The following NSG2 variants were observed in gnomAD, a reference collection of about 807,000 sequenced individuals.
NSG2 encodes neuronal vesicle trafficking associated 2.
A neutral mutation model predicts 16.9 loss-of-function variants in NSG2; 4 were observed. The ratio of observed to expected loss-of-function variants is 0.24; its 90% confidence interval spans 0.12 to 0.54. The LOEUF (loss-of-function observed/expected upper bound fraction) is 0.54. Ranked by LOEUF, NSG2 falls within the 20% of genes least tolerant of loss-of-function variation. The pLI is 0.95. For missense variants in NSG2, 179 were observed against 221.1 expected (o/e 0.81, Z 1.21); for synonymous variants, 98 against 88.7 (o/e 1.11, Z -0.59).
chr5:174,096,753 G>A (rs576621571), intron 3 of NSG2, among the ~76,000 whole-genome samples: 48 of 152,272 alleles, frequency 3.2e-4, no homozygotes, highest in African/African-American at 7.9e-4. Context: ...CTGTGTCAGA[G>A]GCAGAAGCTG....
At chr5:174,051,207 G>A (rs1759883665) in intron 2 of NSG2, among the ~76,000 whole-genome samples, 3 of 152,096 alleles carry the variant, frequency 2.0e-5, no homozygotes, top group Admixed American at 6.6e-5. Context: ...GCCAGGAATG[G>A]TGCTAAATAT....
chr5:174,080,316 A>G (rs1304139385), intron 3 of NSG2, among the ~76,000 whole-genome samples: 1 of 148,754 alleles, frequency 6.7e-6, no homozygotes, highest in African/African-American at 2.4e-5. Flanking sequence ...TTATATATAT[A>G]TAAAATGTTA....
chr5:174,070,013 G>A lies in NSG2; in HGVS notation c.213+5698G>A, dbSNP rs372959668. Among the ~76,000 whole-genome samples the A allele has an allele frequency of 3.3e-5, 5 of 151,880 alleles. No homozygotes were observed. In the South Asian group the frequency reaches 6.3e-4, roughly 19 times the overall value. The stretch of plus-strand genomic sequence containing the variant: ...CCACCTTAGCCTCCCAAAGAGCTGG[G>A]ACTACAGGCACAAGCCACCATGCTC... On this transcript the variant is annotated intron_variant, in intron 3 of 4. Transcript: ENST00000303177.
chr5:174,064,345 G>A (rs1379153630), intron 3 of NSG2, 30 bp downstream of exon 3: 40 of 1,545,456 alleles, frequency 2.6e-5, no homozygotes, highest in Non-Finnish European at 3.2e-5. Flanking sequence ...AATAGAAAGA[G>A]TAAAGGAGAG....
At chr5:174,090,169 G>A (rs1760699687) in intron 3 of NSG2, among the ~76,000 whole-genome samples, 2 of 152,160 alleles carry the variant, frequency 1.3e-5, no homozygotes, top group Admixed American at 6.5e-5. Flanking sequence ...ACAGCACTCA[G>A]CATATGGCTG....
chr5:174,062,516 C>T (rs1244240565), intron 2 of NSG2: 1 of 152,248 alleles, frequency 6.6e-6, no homozygotes, highest in Non-Finnish European at 1.5e-5. Flanking sequence ...TGTAAGCTCT[C>T]ATCCATGTTT....
intron 3 of NSG2, among the ~76,000 whole-genome samples, chr5:174,076,182 G>A (rs955157036): frequency 6.6e-6 from 1 of 152,222 alleles, no homozygotes; most frequent in African/African-American, 2.4e-5. Flanking sequence ...GAGCCATTGT[G>A]ATGATGGTGC....
At chr5:174,083,909 G>A (rs1760543406) in intron 3 of NSG2, among the ~76,000 whole-genome samples, 1 of 152,206 alleles carries the variant, frequency 6.6e-6, no homozygotes, top group African/African-American at 2.4e-5. Context: ...TGAGAGAGAA[G>A]TGACTTGTCC....
At chr5:174,090,932 G>C (rs1354732559) in intron 3 of NSG2, among the ~76,000 whole-genome samples, 1 of 152,142 alleles carries the variant, frequency 6.6e-6, no homozygotes, top group African/African-American at 2.4e-5. Context: ...ACCCCCACTG[G>C]AATGCCTAGC....
intron 3 of NSG2, among the ~76,000 whole-genome samples, chr5:174,064,695 AG>A (rs1287966402): frequency 2.0e-5 from 3 of 151,982 alleles, no homozygotes; most frequent in African/African-American, 7.2e-5. Flanking sequence ...AGAAAAACAA[AG>A]GTGGGGGGAA....
intron 3 of NSG2, among the ~76,000 whole-genome samples, chr5:174,065,220 C>T (rs1022670559): frequency 2.0e-4 from 31 of 151,414 alleles, no homozygotes; most frequent in Admixed American, 2.6e-4. Flanking sequence ...CCCATCTACT[C>T]GGGAGGCTGA....
chr5:174,065,443 A>G (rs1436517825), intron 3 of NSG2, among the ~76,000 whole-genome samples: 1 of 152,188 alleles, frequency 6.6e-6, no homozygotes, highest in East Asian at 1.9e-4. Flanking sequence ...TGAAGGCTGT[A>G]TGAAGGCATT....
intron 2 of NSG2, among the ~76,000 whole-genome samples, chr5:174,063,095 T>C (rs1221968603): frequency 6.6e-6 from 1 of 152,216 alleles, no homozygotes; most frequent in Non-Finnish European, 1.5e-5. Context: ...AGTTCTGGCA[T>C]ATAATAAGTG....
chr5:174,066,192 T>C, intron 3 of NSG2: 1 of 456,276 alleles, frequency 2.2e-6, no homozygotes, highest in Non-Finnish European at 4.4e-6. Context: ...TACTTTTTTA[T>C]TGTACTTTCA....
chr5:174,100,719 T>C (rs1760885498), intron 3 of NSG2, among the ~76,000 whole-genome samples: 1 of 152,190 alleles, frequency 6.6e-6, no homozygotes. Context: ...GCAGTTCCTA[T>C]TTGGGATTTC....
chr5:174,105,800 T>C (rs1581245908), intron 4 of NSG2, among the ~76,000 whole-genome samples: 1 of 152,272 alleles, frequency 6.6e-6, no homozygotes, highest in Non-Finnish European at 1.5e-5. Flanking sequence ...CTTGGGAGGC[T>C]GAGGCAGGAG....
chr5:174,098,303 G>T lies in NSG2; in HGVS notation c.214-5925G>T, dbSNP rs557199318. Among the ~76,000 whole-genome samples the T allele has an allele frequency of 2.0e-5, 3 of 152,294 alleles. 1 individual carries two copies. Among genetic ancestry groups the T allele is most frequent in the Admixed American group, 1.3e-4 (2 of 15,312 alleles). ...GGGTGGTTGAGGGGGTGCAGGCTGA[G>T]CAAAGATGTTACCCCGACAGCACCA... On this transcript the variant is annotated intron_variant, in intron 3 of 4. Transcript: ENST00000303177.
At chr5:174,062,255 G>A (rs2113432093) in intron 2 of NSG2, among the ~76,000 whole-genome samples, 2 of 152,180 alleles carry the variant, frequency 1.3e-5, no homozygotes, top group Middle Eastern at 3.4e-3. Context: ...GTAAGTTCTG[G>A]AGCCAGGATT....
chr5:174,106,375 G>A (rs184954562), intron 4 of NSG2, among the ~76,000 whole-genome samples: 6 of 151,956 alleles, frequency 3.9e-5, no homozygotes, highest in African/African-American at 1.2e-4. Flanking sequence ...TATTTCAACC[G>A]GTTGTAGATG....
Sources: allele counts gnomAD v4.1 joint callset (sites outside exome capture counted in the v4.1 genomes callset), GRCh38; gene constraint gnomAD v4.1.1; transcripts MANE v1.5; gene names NCBI Gene and HGNC (gene_info 2026-07-23, HGNC 2026-07-21).